The following DTNBP1 variants were observed in gnomAD, a reference collection of about 807,000 sequenced individuals.
The protein encoded by DTNBP1 is dystrobrevin binding protein 1.
DTNBP1 carries 35 observed loss-of-function variants against 42.8 expected under a neutral mutation model. The observed-to-expected ratio is 0.82, with a 90% CI of 0.63 to 1.09. The LOEUF is 1.09. Among genes scored for constraint, DTNBP1 ranks in the 50% least tolerant of loss-of-function variants. The pLI, the probability that DTNBP1 is intolerant of heterozygous loss-of-function variation, is 0.00. For synonymous variants in DTNBP1, 171 were observed against 162.2 expected, an observed-to-expected ratio of 1.05 and a Z score of -0.41; for missense variants, 457 against 424.2, an observed-to-expected ratio of 1.08 and a Z score of -0.68.
chr6:15,551,296 C>T (rs1199952368), intron 7 of DTNBP1, among the ~76,000 whole-genome samples: 1 of 152,188 alleles, frequency 6.6e-6, no homozygotes, highest in East Asian at 1.9e-4. Flanking sequence ...AGATGTGCTA[C>T]TTCTGATTCA....
Position 15,523,085 on chromosome 6 carries a change from A to T in DTNBP1, c.946T>A (p.Ser316Thr). 1.2e-6 allele frequency: 2 copies of T among 1,613,700 alleles called. No homozygotes were observed. Among genetic ancestry groups the T allele is most frequent in the Non-Finnish European group, 1.7e-6 (2 of 1,179,948 alleles). ...TCCTCATCGGACTGAACAACGGGGG[A>T]CTCCCCACCCTCACTGATGTCCCGG... ...ATRDISEGGESPVVQSDEEEV... is the reference protein window; with the variant it reads ...ATRDISEGGETPVVQSDEEEV... The change falls in exon 10 of 10, where the codon TCC becomes ACC. Residue 316 changes from serine to threonine, a missense_variant. Transcript: ENST00000344537.
intron 7 of DTNBP1, among the ~76,000 whole-genome samples, chr6:15,555,896 G>T (rs1774486745): frequency 1.3e-5 from 2 of 152,166 alleles, no homozygotes; most frequent in African/African-American, 4.8e-5. Context: ...CTCTCTTGGG[G>T]TCTGGATTGG....
At chr6:15,652,636 A>AT (rs904573025) in intron 1 of DTNBP1, among the ~76,000 whole-genome samples, 9 of 151,164 alleles carry the variant, frequency 6.0e-5, no homozygotes, top group South Asian at 2.1e-4. Flanking sequence ...TCTGTAGCAA[A>AT]TTTTTTTTTA....
At chr6:15,640,938 G>A (rs1015295665) in intron 3 of DTNBP1, among the ~76,000 whole-genome samples, 23 of 152,190 alleles carry the variant, frequency 1.5e-4, no homozygotes, top group Non-Finnish European at 2.5e-4. Context: ...CACGGCTTAT[G>A]AAAGTCAAGG....
At chr6:15,538,592 T>C (rs918980603) in intron 7 of DTNBP1, among the ~76,000 whole-genome samples, 2 of 152,236 alleles carry the variant, frequency 1.3e-5, no homozygotes, top group African/African-American at 2.4e-5. Flanking sequence ...TTTGTGGTTA[T>C]CTATTACACA....
intron 7 of DTNBP1, among the ~76,000 whole-genome samples, chr6:15,557,890 C>G (rs141666912): frequency 5.5e-4 from 84 of 152,070 alleles, no homozygotes; most frequent in African/African-American, 1.8e-3. Flanking sequence ...TAAATCATGT[C>G]TTTTTCTTAA....
chr6:15,524,763 T>C (rs891430510), intron 8 of DTNBP1, 94 bp from the exon 9 acceptor site: 23 of 1,544,416 alleles, frequency 1.5e-5, no homozygotes, highest in Admixed American at 5.7e-5. Context: ...ACATTGCATT[T>C]CCTAAGCTTC....
chr6:15,605,260 T>C (rs1399282995), intron 6 of DTNBP1, among the ~76,000 whole-genome samples: 2 of 152,228 alleles, frequency 1.3e-5, no homozygotes, highest in African/African-American at 4.8e-5. Flanking sequence ...CTAAGGATTA[T>C]GGTGGCACTG....
chr6:15,569,150 A>G (rs1775227248), intron 7 of DTNBP1, among the ~76,000 whole-genome samples: 1 of 152,204 alleles, frequency 6.6e-6, no homozygotes, highest in Non-Finnish European at 1.5e-5. Context: ...AGCACTAGAC[A>G]CTGACCATCT....
Position 15,643,254 on chromosome 6 carries a change from T to C in DTNBP1, c.162-5450A>G, listed in dbSNP as rs116672793. ...CAAGTCAGACAAAAATAAAGAAAAC[T>C]GAATTTTTAAAAAATGAACAAAGCC... On this transcript the variant is annotated intron_variant, in intron 3 of 9. Transcript: ENST00000344537. Among the ~76,000 whole-genome samples the C allele has an allele frequency of 3.0e-3, 454 of 152,192 alleles. 2 individuals carry two copies. Among genetic ancestry groups the C allele is most frequent in the African/African-American group, 9.8e-3 (409 of 41,550 alleles).
rs371234388 is a variant in DTNBP1, at chr6:15,658,455, G to T, written c.56+4359C>A. On this transcript the variant is annotated intron_variant, in intron 1 of 9. Coordinates refer to ENST00000344537, the MANE Select transcript of DTNBP1 (RefSeq NM_032122.5). ...AGACAGAATGAGGACACTGGGCAGG[G>T]GTGCAGGTGGGCGGCAGGGGCAGTG... Among the ~76,000 whole-genome samples the T allele has an allele frequency of 3.3e-5, 5 of 152,166 alleles. No homozygotes were observed. In the East Asian group the frequency reaches 5.8e-4, roughly 18 times the overall value.
chr6:15,661,046 A>G (rs1428511422), intron 1 of DTNBP1, among the ~76,000 whole-genome samples: 1 of 152,212 alleles, frequency 6.6e-6, no homozygotes, highest in African/African-American at 2.4e-5. Flanking sequence ...GAGCGTCCAT[A>G]ACTTTCTAAA....
chr6:15,616,906 GATAA>G (rs562230081), intron 5 of DTNBP1, among the ~76,000 whole-genome samples: 9 of 152,088 alleles, frequency 5.9e-5, no homozygotes, highest in Non-Finnish European at 8.8e-5. Flanking sequence ...TTCAGAACTT[GATAA>G]ATAAATTCAG....
At chr6:15,659,139 T>A (rs1761446280) in intron 1 of DTNBP1, among the ~76,000 whole-genome samples, 1 of 152,258 alleles carries the variant, frequency 6.6e-6, no homozygotes, top group Admixed American at 6.5e-5. Flanking sequence ...AAATTTATTC[T>A]TATTGGACAT....
At chr6:15,638,742 C>T (rs1332693747) in intron 3 of DTNBP1, among the ~76,000 whole-genome samples, 1 of 152,038 alleles carries the variant, frequency 6.6e-6, no homozygotes, top group African/African-American at 2.4e-5. Flanking sequence ...CATTACTCTT[C>T]TGGTATTCTT....
At chr6:15,650,571 C>T (rs2005976) in intron 3 of DTNBP1, among the ~76,000 whole-genome samples, 38,300 of 152,018 alleles carry the variant, frequency 0.25, 5,590 homozygotes, top group African/African-American at 0.4. Context: ...TATGAGCCAC[C>T]GCGACCGGCC....
In DTNBP1 at chr6:15,533,237, C is replaced by T. The variant is rs755341865; in HGVS notation, c.667+3G>A. ...CACACCAGCAGCCCCAGCCCCCACT[C>T]GCCTCGCCGCTCTGCAATCTGCAGG... On this transcript the variant is annotated splice_donor_region_variant and intron_variant, in intron 8 of 9. Transcript: ENST00000344537. The T allele has an allele frequency of 8.1e-6, 13 of 1,613,606 alleles. No individual in the cohort carries two copies. Among genetic ancestry groups the T allele is most frequent in the Non-Finnish European group, 1.1e-5 (13 of 1,180,008 alleles).
intron 6 of DTNBP1, among the ~76,000 whole-genome samples, chr6:15,593,905 T>C (rs1044980187): frequency 6.6e-6 from 1 of 152,220 alleles, no homozygotes; most frequent in African/African-American, 2.4e-5. Context: ...AGAGATGTTT[T>C]GAATTCTTAA....
At chr6:15,600,641 T>C (rs1056479725) in intron 6 of DTNBP1, among the ~76,000 whole-genome samples, 5 of 152,076 alleles carry the variant, frequency 3.3e-5, no homozygotes, top group African/African-American at 9.7e-5. Context: ...GGGCTAGAAC[T>C]CCGGAAAGGA....
Sources: gnomAD v4.1 joint callset for allele counts (sites outside exome capture counted in the v4.1 genomes callset) on GRCh38, gnomAD v4.1.1 for gene constraint, MANE v1.5 for transcripts, NCBI Gene and HGNC (gene_info 2026-07-23, HGNC 2026-07-21) for gene names.